The following ASDURF variants were observed in gnomAD, a reference collection of about 807,000 sequenced individuals.
ASDURF encodes the protein ASDURF protein.
A neutral mutation model predicts 3.3 loss-of-function variants in ASDURF; 3 were observed. The ratio of observed to expected loss-of-function variants is 0.92; its 90% CI spans 0.42 to 2.37. The LOEUF (loss-of-function observed/expected upper bound fraction) is 2.37. Ranked by LOEUF, ASDURF falls within the 30% of genes most tolerant of loss-of-function variation. ASDURF has a pLI of 0.05. For synonymous variants in ASDURF, 11 were observed against 8.3 expected, an observed-to-expected ratio of 1.32 and a Z score of -0.55; for missense variants, 23 against 25.4, an observed-to-expected ratio of 0.90 and a Z score of 0.21.
rs1043965596 is a variant in ASDURF at position 189,666,186 on chromosome 2, T to C, written c.*75T>C. ...TTTCTGCTGAGCATTTCAGTCAAGATTTAAAAGAGGACTTACTATATAATC... is the reference window on the plus strand; with the variant it reads ...TTTCTGCTGAGCATTTCAGTCAAGACTTAAAAGAGGACTTACTATATAATC... On this transcript the variant is annotated 3_prime_UTR_variant, in exon 4 of 4. Transcript: ENST00000607829. The C allele has an allele frequency of 1.2e-6, 2 of 1,606,320 alleles. No homozygotes were observed. Among genetic ancestry groups the C allele is most frequent in the Admixed American group, 1.7e-5 (1 of 58,282 alleles).
In ASDURF at chr2:189,661,513, C is replaced by T; in HGVS notation, c.-8C>T. The T allele has an allele frequency of 1.0e-5, 4 of 399,218 alleles. No homozygotes were observed. The highest frequency in any genetic ancestry group is 1.8e-5 in the Non-Finnish European group (4 of 226,210). The allele number at this position is 399,218 out of a possible 1,614,324, so 24.7% of individuals were successfully genotyped here. ...TGAGCCATCCCGCGTGTCTTGCGCT[C>T]GGTGGAAATGCCCAGCCGAGGGACG... is the stretch of plus-strand genomic sequence containing the variant. On this transcript the variant is annotated 5_prime_UTR_variant, in exon 1 of 4. Transcript: ENST00000607829.
At chr2:189,661,670 G>T in intron 1 of ASDURF, 60 bp downstream of exon 1, 1 of 399,228 alleles carries the variant, frequency 2.5e-6, no homozygotes, top group South Asian at 1.3e-4. Flanking sequence ...ACTGGACCCT[G>T]AAGGTGGTCC....
intron 1 of ASDURF, among the ~76,000 whole-genome samples, 195 bp from the exon 2 acceptor site, chr2:189,663,706 A>C (rs531889082): frequency 2.0e-5 from 3 of 152,284 alleles, no homozygotes; most frequent in Admixed American, 2.0e-4. Context: ...TTTCTCCTCC[A>C]GCTTTTCCTG....
chr2:189,665,590 ATATATGTG>A (rs1311856003), intron 3 of ASDURF, 139 bp downstream of exon 3: 24 of 13,790 alleles, frequency 1.7e-3, no homozygotes, highest in African/African-American at 4.1e-3. Context: ...ACAGTTATAT[ATATATGTG>A]TATATATATA....
chr2:189,664,487 A>G (rs933006092), intron 2 of ASDURF, among the ~76,000 whole-genome samples: 1 of 152,248 alleles, frequency 6.6e-6, no homozygotes, highest in South Asian at 2.1e-4. Context: ...GCATTTTAAC[A>G]TTCAGGAAGA....
At chr2:189,663,862 A>G (rs2032728317) in intron 1 of ASDURF, 39 bp from the exon 2 acceptor site, 1 of 381,746 alleles carries the variant, frequency 2.6e-6, no homozygotes, top group Non-Finnish European at 4.7e-6. Flanking sequence ...GCATACTTTG[A>G]AAACATCTGA....
chr2:189,664,685 G>T (rs1003314703), intron 2 of ASDURF, among the ~76,000 whole-genome samples: 3 of 151,888 alleles, frequency 2.0e-5, no homozygotes, highest in African/African-American at 2.4e-5. Context: ...GGAGGCAGAG[G>T]TTGCAGTGAG....
chr2:189,662,135 C>T (rs1205953416), intron 1 of ASDURF, among the ~76,000 whole-genome samples: 1 of 152,222 alleles, frequency 6.6e-6, no homozygotes, highest in East Asian at 1.9e-4. Context: ...CTCTCCTCAT[C>T]CACCTGTTAG....
In ASDURF at chr2:189,661,476, C is replaced by T. The variant is rs1471344055; in HGVS notation, c.-45C>T. 2 of 399,072 alleles carry T rather than the reference C, an allele frequency of 5.0e-6. No homozygotes were observed. Among genetic ancestry groups the T allele is most frequent in the Admixed American group, 4.4e-5 (1 of 22,712 alleles). The allele number at this position is 399,072 out of a possible 1,614,324, so 24.7% of individuals were successfully genotyped here. A position where few individuals can be genotyped will look rare whatever the true frequency, so the allele number is the denominator to read the frequency against. ...CATGCGCTGTGGCTAATGCCGTAGG[C>T]TCCTTCAGGGCTGAGCCATCCCGCG... is the stretch of plus-strand genomic sequence containing the variant. On this transcript the variant is annotated 5_prime_UTR_variant, in exon 1 of 4. Transcript: ENST00000607829.
At chr2:189,665,123 T>C (rs796398390) in intron 2 of ASDURF, among the ~76,000 whole-genome samples, 2 of 152,304 alleles carry the variant, frequency 1.3e-5, no homozygotes, top group African/African-American at 4.8e-5. Context: ...ATATTGCTCA[T>C]TGATAAAAGC....
rs1326091568 is a variant in ASDURF, at chr2:189,665,600, A to ATG, written c.220+150_220+151insGT. 4.5e-3 allele frequency: 22 copies of ATG among 4,892 alleles called. 1 individual carries two copies. The highest frequency in any genetic ancestry group is 0.011 in the African/African-American group (16 of 1,398). The allele number at this position is 4,892 out of a possible 1,614,324, so 0.3% of individuals were successfully genotyped here. ...AGTCAACAGTTATATATATATGTGTATATATATATATATATATATATATAT... is the reference window on the plus strand; with the variant it reads ...AGTCAACAGTTATATATATATGTGTATGTATATATATATATATATATATATAT... On this transcript the variant is annotated intron_variant, in intron 3 of 3. Transcript: ENST00000607829.
chr2:189,663,171 CTAAAT>C (rs2032707390), intron 1 of ASDURF, among the ~76,000 whole-genome samples: 1 of 150,992 alleles, frequency 6.6e-6, no homozygotes, highest in Non-Finnish European at 1.5e-5. Flanking sequence ...TTTTTTAAAT[CTAAAT>C]CACAACTTAA....
In ASDURF at chr2:189,661,468, G is replaced by T. The variant is rs539310673; in HGVS notation, c.-53G>T. On this transcript the variant is annotated 5_prime_UTR_variant, in exon 1 of 4. It removes an upstream start codon present in the reference 5' UTR. Transcript: ENST00000607829. Reference sequence around the variant, plus strand: ...GAAGCGCGCATGCGCTGTGGCTAATGCCGTAGGCTCCTTCAGGGCTGAGCC... The same window carrying T: ...GAAGCGCGCATGCGCTGTGGCTAATTCCGTAGGCTCCTTCAGGGCTGAGCC... 1.7e-3 allele frequency: 664 copies of T among 399,084 alleles called. No individual in the cohort carries two copies. The highest frequency in any genetic ancestry group is 2.5e-3 in the Non-Finnish European group (561 of 226,182). 24.7% of individuals were successfully genotyped at this position (399,084 alleles called of 1,614,324 possible). A position where few individuals can be genotyped will look rare whatever the true frequency, so the allele number is the denominator to read the frequency against.
At chr2:189,662,801 C>T (rs1480750987) in intron 1 of ASDURF, among the ~76,000 whole-genome samples, 2 of 151,914 alleles carry the variant, frequency 1.3e-5, no homozygotes, top group Admixed American at 1.3e-4. Context: ...AAATGAAGCC[C>T]AGGCCAGCAT....
At chr2:189,663,996 AT>A in intron 2 of ASDURF, 42 bp downstream of exon 2, 1 of 379,598 alleles carries the variant, frequency 2.6e-6, no homozygotes, top group Non-Finnish European at 4.7e-6. Context: ...TGGGAGGTTT[AT>A]TTATGTTAAC....
chr2:189,665,610 A>ATATATACATATATATATG (rs1559034419), intron 3 of ASDURF, among the ~76,000 whole-genome samples, 159 bp downstream of exon 3: 1 of 20,232 alleles, frequency 4.9e-5, no homozygotes, highest in African/African-American at 8.6e-5. Context: ...ATATATATAT[A>ATATATACATATATATATG]TATATATATA....
At chr2:189,664,961 C>T (rs1174691990) in intron 2 of ASDURF, among the ~76,000 whole-genome samples, 1 of 152,138 alleles carries the variant, frequency 6.6e-6, no homozygotes, top group Non-Finnish European at 1.5e-5. Context: ...GAGATGGTAA[C>T]ACCTTAAATG....
Position 189,666,277 on chromosome 2 carries a change from T to C in ASDURF, c.*166T>C. 1 of 1,614,150 alleles carries C rather than the reference T, an allele frequency of 6.2e-7. No individual in the cohort carries two copies. The highest frequency in any genetic ancestry group is 8.5e-7 in the Non-Finnish European group (1 of 1,180,012). On this transcript the variant is annotated 3_prime_UTR_variant, in exon 4 of 4. Coordinates refer to ENST00000607829, the MANE Select transcript of ASDURF (RefSeq NM_001353493.2). The stretch of plus-strand genomic sequence containing the variant: ...GTCTGATGTTAACTACCAGTGTTTA[T>C]TTTCTGCTCACGTCCTACACTTGAG...
At chr2:189,665,644 A>ATATATATG (rs1455945789) in intron 3 of ASDURF, among the ~76,000 whole-genome samples, 193 bp downstream of exon 3, 8 of 123,748 alleles carry the variant, frequency 6.5e-5, no homozygotes, top group African/African-American at 2.7e-4. Context: ...ATATATATAT[A>ATATATATG]TATTATAAAT....
Sources: gnomAD v4.1 joint callset for allele counts (sites outside exome capture counted in the v4.1 genomes callset) on GRCh38, gnomAD v4.1.1 for gene constraint, MANE v1.5 for transcripts, NCBI Gene and HGNC (gene_info 2026-07-23, HGNC 2026-07-21) for gene names.